TRPM7: variants seen among roughly 807,000 people sequenced by gnomAD.
The protein encoded by TRPM7 is transient receptor potential cation channel subfamily M member 7.
A neutral mutation model predicts 229.7 loss-of-function variants in TRPM7; 134 were observed. That is an observed-to-expected ratio of 0.58 (90% CI 0.51 to 0.67). TRPM7 has a LOEUF of 0.67. Among genes scored for constraint, TRPM7 ranks in the 30% least tolerant of loss-of-function variants. The pLI is 0.00. For synonymous variants in TRPM7, 699 were observed against 715.2 expected, an observed-to-expected ratio of 0.98 and a Z score of 0.36; for missense variants, 1,901 against 2,210.0, an observed-to-expected ratio of 0.86 and a Z score of 2.80.
chr15:50,641,997 CAAA>C (rs36020101), intron 5 of TRPM7, among the ~76,000 whole-genome samples: 53 of 122,006 alleles, frequency 4.3e-4, no homozygotes, highest in South Asian at 7.6e-4. Flanking sequence ...GACTCTGTCT[CAAA>C]AAAAAAAAAA....
At chr15:50,626,049 G>C (rs761159584) in intron 11 of TRPM7, among the ~76,000 whole-genome samples, 2 of 152,034 alleles carry the variant, frequency 1.3e-5, no homozygotes, top group African/African-American at 4.8e-5. Flanking sequence ...CTTGCAAAGG[G>C]TGTTTATCTG....
chr15:50,672,097 C>G (rs1428556886), intron 1 of TRPM7, among the ~76,000 whole-genome samples: 1 of 152,078 alleles, frequency 6.6e-6, no homozygotes, highest in Non-Finnish European at 1.5e-5. Context: ...CACTGTCGCC[C>G]AGGCTGGAGT....
chr15:50,578,377 T>C (rs2054237702), intron 31 of TRPM7, among the ~76,000 whole-genome samples: 1 of 152,114 alleles, frequency 6.6e-6, no homozygotes, highest in Non-Finnish European at 1.5e-5. Context: ...GATGGAATAT[T>C]AGAAAAGGAG....
At position 50,634,487 on chromosome 15, in the gene TRPM7, A is replaced by G; in HGVS notation, c.902T>C (p.Leu301Pro). The change falls in exon 8 of 39, where the codon CTT becomes CCT. Residue 301 changes from leucine (L) to proline (P), a missense_variant. Around this residue, in one of 8 missense-constraint regions of TRPM7, gnomAD observed 794 missense variants for 881.9 expected, o/e 0.90. Transcript: ENST00000646667. ...AGGGGGGCTTTCCTGAAGGTATTCA[A>G]GAACTGTGAGGATAACATTTGGCCC... ...EGGPNVILTV[L>P]EYLQESPPVP... The G allele has an allele frequency of 1.3e-6, 2 of 1,582,114 alleles. No individual in the cohort carries two copies. The highest frequency in any genetic ancestry group is 1.2e-5 in the South Asian group (1 of 86,054).
intron 5 of TRPM7, among the ~76,000 whole-genome samples, chr15:50,641,186 C>T (rs1423266743): frequency 6.6e-6 from 1 of 152,144 alleles, no homozygotes; most frequent in South Asian, 2.1e-4. Context: ...TTAAAACCTC[C>T]TCTTCTCATT....
At chr15:50,680,556 G>C (rs1237001773) in intron 1 of TRPM7, among the ~76,000 whole-genome samples, 2 of 149,336 alleles carry the variant, frequency 1.3e-5, no homozygotes, top group African/African-American at 5.0e-5. Context: ...TTGACAGAGA[G>C]AGACACTTGT....
chr15:50,678,246 A>AAAAAAAC (rs1555435864), intron 1 of TRPM7, among the ~76,000 whole-genome samples: 4 of 142,504 alleles, frequency 2.8e-5, no homozygotes, highest in African/African-American at 1.0e-4. Context: ...TCTCAAAAAA[A>AAAAAAAC]AAAAACAAAA....
At chr15:50,648,987 T>G (rs2061344270) in intron 3 of TRPM7, 102 bp from the exon 4 acceptor site, 1 of 750,458 alleles carries the variant, frequency 1.3e-6, no homozygotes, top group African/African-American at 1.8e-5. Flanking sequence ...CTTTAAAATT[T>G]TTATATTTTA....
chr15:50,586,018 A>T (rs759186327), intron 28 of TRPM7, among the ~76,000 whole-genome samples: 1 of 152,172 alleles, frequency 6.6e-6, no homozygotes, highest in Non-Finnish European at 1.5e-5. Flanking sequence ...GAGTGTGTGT[A>T]TTTTAATTTT....
chr15:50,624,441 A>C, intron 11 of TRPM7, 141 bp from the exon 12 acceptor site: 1 of 664,948 alleles, frequency 1.5e-6, no homozygotes, highest in Non-Finnish European at 2.3e-6. Flanking sequence ...ACACAGTAAA[A>C]AGCTAATAAG....
intron 30 of TRPM7, 122 bp from the exon 31 acceptor site, chr15:50,578,786 G>A: frequency 2.0e-6 from 1 of 507,308 alleles, no homozygotes; most frequent in Non-Finnish European, 3.0e-6. Context: ...TTCTGAAATT[G>A]ATTCCCTTTG....
At chr15:50,650,708 A>C (rs1178578380) in intron 3 of TRPM7, among the ~76,000 whole-genome samples, 1 of 151,790 alleles carries the variant, frequency 6.6e-6, no homozygotes, top group African/African-American at 2.4e-5. Context: ...AAAAACAAAA[A>C]AAAACAAAAA....
At position 50,580,976 on chromosome 15, in the gene TRPM7, G is replaced by A. The variant is rs142586850; in HGVS notation, c.4558-68C>T. On this transcript the variant is annotated intron_variant, in intron 29 of 38. Transcript: ENST00000646667. Reference sequence around the variant, plus strand: ...CAAAAATCTCTAGATGAAGCATAACGGTTTAACTTTTTTTCTTATATTTTA... The same window carrying A: ...CAAAAATCTCTAGATGAAGCATAACAGTTTAACTTTTTTTCTTATATTTTA... 4.7e-4 allele frequency: 696 copies of A among 1,480,942 alleles called. 3 individuals are homozygous for A. The African/African-American group carries it at 8.8e-3, about 19-fold the overall frequency. The allele number at this position is 1,480,942 out of a possible 1,614,324, so 91.7% of individuals were successfully genotyped here.
At chr15:50,584,606 T>C (rs546917281) in intron 28 of TRPM7, among the ~76,000 whole-genome samples, 1 of 150,694 alleles carries the variant, frequency 6.6e-6, no homozygotes, top group African/African-American at 2.4e-5. Context: ...CAGAAGTGTT[T>C]CAGATTTCTG....
intron 27 of TRPM7, among the ~76,000 whole-genome samples, chr15:50,587,992 G>C (rs918486268): frequency 6.6e-6 from 1 of 152,038 alleles, no homozygotes; most frequent in African/African-American, 2.4e-5. Flanking sequence ...TCGTGTGTCA[G>C]CTAAGGCTAC....
chr15:50,568,748 G>T (rs1026714183), intron 38 of TRPM7, among the ~76,000 whole-genome samples: 3 of 152,144 alleles, frequency 2.0e-5, no homozygotes, highest in Non-Finnish European at 4.4e-5. Context: ...GCTGACGCAG[G>T]TGGATCACTT....
At chr15:50,634,684 AC>A in intron 7 of TRPM7, 128 bp from the exon 8 acceptor site, 1 of 682,822 alleles carries the variant, frequency 1.5e-6, no homozygotes, top group Non-Finnish European at 2.2e-6. Context: ...AAAAGTAAAA[AC>A]ATAATTTCTA....
chr15:50,596,952 G>A (rs1194674892), intron 22 of TRPM7, among the ~76,000 whole-genome samples: 8 of 152,176 alleles, frequency 5.3e-5, no homozygotes, highest in East Asian at 3.8e-4. Context: ...ATTTCATCAT[G>A]TTGGCCAGGC....
At chr15:50,585,415 A>T (rs892574233) in intron 28 of TRPM7, among the ~76,000 whole-genome samples, 5 of 152,226 alleles carry the variant, frequency 3.3e-5, no homozygotes, top group Admixed American at 2.6e-4. Flanking sequence ...AAACAGAAAC[A>T]GTAACAGTCA....
Sources: gnomAD v4.1 joint callset for allele counts (sites outside exome capture counted in the v4.1 genomes callset) on GRCh38, gnomAD v4.1.1 for gene constraint, gnomAD v4.1.1 regional missense constraint, MANE v1.5 for transcripts, NCBI Gene and HGNC (gene_info 2026-07-23, HGNC 2026-07-21) for gene names.